NCKAP5: variants seen among roughly 807,000 people sequenced by gnomAD.
NCKAP5 encodes the protein nck-associated protein 5.
NCKAP5 carries 92 observed loss-of-function variants against 167.0 expected under a neutral mutation model. The observed-to-expected ratio is 0.55, with a 90% CI of 0.47 to 0.66. The LOEUF (loss-of-function observed/expected upper bound fraction) is 0.66. NCKAP5 is among the 30% of genes least tolerant of loss of function. The pLI is 0.00. For missense variants in NCKAP5, 2,378 were observed against 2,315.0 expected, an observed-to-expected ratio of 1.03 and a Z score of -0.56; for synonymous variants, 891 against 877.4, an observed-to-expected ratio of 1.02 and a Z score of -0.27.
intron 3 of NCKAP5, chr2:133,431,704 T>C (rs1227476892): frequency 6.6e-6 from 1 of 152,184 alleles, no homozygotes; most frequent in Non-Finnish European, 1.5e-5. Context: ...ATTTTATTTG[T>C]AGCAATCATA....
chr2:132,846,990 A>G (rs974021605), intron 11 of NCKAP5, among the ~76,000 whole-genome samples: 1 of 152,210 alleles, frequency 6.6e-6, no homozygotes, highest in African/African-American at 2.4e-5. Context: ...CGTGTATTTT[A>G]TGAATGTGAA....
chr2:133,651,770 T>C, the NCKAP5 span, among the ~76,000 whole-genome samples: 2 of 152,204 alleles, frequency 1.3e-5, no homozygotes, highest in African/African-American at 4.8e-5. Flanking sequence ...CAATGACAGA[T>C]GTATGAATAA....
chr2:132,845,958 T>C (rs948093223), intron 11 of NCKAP5, among the ~76,000 whole-genome samples: 1 of 152,312 alleles, frequency 6.6e-6, no homozygotes, highest in East Asian at 1.9e-4. Flanking sequence ...TCTTATTATG[T>C]TTTCCTGTTT....
At position 133,041,895 on chromosome 2, in the gene NCKAP5, A is replaced by T. The variant is rs557104501; in HGVS notation, c.342-47656T>A. ...AGGAGGATGCTTAAATTTTGTTAGAATTATTTTTTTCTATCAAAAATTCTC... is the reference window on the plus strand; with the variant it reads ...AGGAGGATGCTTAAATTTTGTTAGATTTATTTTTTTCTATCAAAAATTCTC... On this transcript the variant is annotated intron_variant, in intron 6 of 19. Transcript: ENST00000409261. 6.6e-5 allele frequency among the ~76,000 whole-genome samples: 10 copies of T among 152,300 alleles called. No individual in the cohort carries two copies. In the South Asian group the frequency reaches 2.1e-3, roughly 32 times the overall value.
At chr2:133,558,964 C>T (rs1000122218) in intron 2 of NCKAP5, 86 bp downstream of exon 2, 2 of 151,904 alleles carry the variant, frequency 1.3e-5, no homozygotes, top group East Asian at 1.9e-4. Context: ...GGGCCTACGT[C>T]GTCCTCAATG....
In NCKAP5 at chr2:132,783,795, T is replaced by C; in HGVS notation, c.3016A>G (p.Thr1006Ala). ...GCTTCTGGGGAGGGCATAGGGTGAGTGAAGATAGGCTTTTTGAAGGCCACA... is the reference window on the plus strand; with the variant it reads ...GCTTCTGGGGAGGGCATAGGGTGAGCGAAGATAGGCTTTTTGAAGGCCACA... ...PSVAFKKPIF[T>A]HPMPSPEAVI... Residue 1006 changes from threonine (T) to alanine (A), a missense_variant, in exon 14 of 20, where the codon ACT becomes GCT. Thr to Ala is a moderately conservative substitution (Grantham distance 58, BLOSUM62 0). Transcript: ENST00000409261. The C allele has an allele frequency of 6.5e-7, 1 of 1,546,728 alleles. No individual in the cohort carries two copies. Among genetic ancestry groups the C allele is most frequent in the Non-Finnish European group, 8.7e-7 (1 of 1,149,162 alleles).
intron 19 of NCKAP5, among the ~76,000 whole-genome samples, chr2:132,690,298 G>T (rs114142047): frequency 1.3e-5 from 2 of 152,328 alleles, no homozygotes; most frequent in African/African-American, 4.8e-5. Flanking sequence ...CAAAGGAACT[G>T]TGTCCTGTCC....
chr2:133,389,262 A>G lies in NCKAP5; in HGVS notation c.70-86152T>C, dbSNP rs556347722. Reference sequence around the variant, plus strand: ...AAAAAGTCCACCTGCATACACTTGCAAAATGGCGTCTTCTTGAAAGATGTA... The same window carrying G: ...AAAAAGTCCACCTGCATACACTTGCGAAATGGCGTCTTCTTGAAAGATGTA... On this transcript the variant is annotated intron_variant, in intron 3 of 19. Transcript: ENST00000409261. 1.0e-3 allele frequency among the ~76,000 whole-genome samples: 152 copies of G among 152,368 alleles called. 1 individual carries two copies. The highest frequency in any genetic ancestry group is 3.5e-3 in the African/African-American group (147 of 41,596).
intron 2 of NCKAP5, among the ~76,000 whole-genome samples, chr2:133,523,703 C>A (rs182809359): frequency 3.9e-4 from 59 of 152,294 alleles, no homozygotes; most frequent in Non-Finnish European, 6.3e-4. Context: ...TTTTTTGCAG[C>A]CTCATAAACA....
At chr2:133,654,377 C>T in the NCKAP5 span, among the ~76,000 whole-genome samples, 32,831 of 146,810 alleles carry the variant, frequency 0.22, 4,131 homozygotes, top group East Asian at 0.32. Flanking sequence ...GACTCTATCT[C>T]AAATAAATAA....
At position 133,490,281 on chromosome 2, in the gene NCKAP5, G is replaced by A. The variant is rs191886786; in HGVS notation, c.69+27177C>T. Among the ~76,000 whole-genome samples the A allele has an allele frequency of 5.9e-4, 90 of 152,234 alleles. 2 individuals are homozygous for A. Among genetic ancestry groups the A allele is most frequent in the African/African-American group, 2.2e-3 (90 of 41,542 alleles). On this transcript the variant is annotated intron_variant, in intron 3 of 19. Transcript: ENST00000409261. Reference sequence around the variant, plus strand: ...CCCAGCCAGGCCAAGTGTGGTCCATGGAGAGTAGTTACGGCGATGCTAGTT... The same window carrying A: ...CCCAGCCAGGCCAAGTGTGGTCCATAGAGAGTAGTTACGGCGATGCTAGTT...
chr2:132,833,853 A>G (rs998172554), intron 11 of NCKAP5, among the ~76,000 whole-genome samples: 5 of 152,048 alleles, frequency 3.3e-5, no homozygotes, highest in Admixed American at 6.5e-5. Flanking sequence ...GTCTTTTTTC[A>G]TTCCATATGA....
At chr2:133,571,640 T>C (rs921384887), upstream of NCKAP5, among the ~76,000 whole-genome samples, 5 of 152,182 alleles carry the variant, frequency 3.3e-5, no homozygotes, top group African/African-American at 7.2e-5. Flanking sequence ...CTGTCTTAAA[T>C]TGGAAAATTC....
intron 3 of NCKAP5, among the ~76,000 whole-genome samples, chr2:133,385,780 G>C (rs1431808224): frequency 6.6e-6 from 1 of 152,132 alleles, no homozygotes; most frequent in Admixed American, 6.6e-5. Context: ...TCTTGGGAGG[G>C]TGTATGTGTC....
intron 11 of NCKAP5, among the ~76,000 whole-genome samples, chr2:132,859,322 C>A (rs1375975714): frequency 6.6e-6 from 1 of 152,106 alleles, no homozygotes; most frequent in Non-Finnish European, 1.5e-5. Flanking sequence ...CCCGTTATTT[C>A]TCTGAGGAGT....
Position 133,467,134 on chromosome 2 carries a change from C to T in NCKAP5, c.69+50324G>A, listed in dbSNP as rs368960411. On this transcript the variant is annotated intron_variant, in intron 3 of 19. Coordinates refer to ENST00000409261, the MANE Select transcript of NCKAP5 (RefSeq NM_207363.3). ...CAGTTTTTGCCCATTCAGTATGATA[C>T]TGGCTGTGGGTTTGTCATAGATAGC... is the stretch of plus-strand genomic sequence containing the variant. 5.3e-3 allele frequency among the ~76,000 whole-genome samples: 799 copies of T among 151,258 alleles called. 18 individuals carry two copies. Among genetic ancestry groups the T allele is most frequent in the Admixed American group, 0.043 (652 of 15,056 alleles).
chr2:133,546,868 G>A (rs572933091), intron 2 of NCKAP5, among the ~76,000 whole-genome samples: 1 of 152,326 alleles, frequency 6.6e-6, no homozygotes, highest in Admixed American at 6.5e-5. Context: ...TTGAGAAAGG[G>A]GAGGAGCCAA....
chr2:133,227,772 A>C (rs1415868783), intron 4 of NCKAP5, among the ~76,000 whole-genome samples: 1 of 152,064 alleles, frequency 6.6e-6, no homozygotes, highest in Non-Finnish European at 1.5e-5. Context: ...TCCTGTTTAG[A>C]TTCTTCTTTT....
chr2:133,523,742 A>T (rs1684654687), intron 2 of NCKAP5, among the ~76,000 whole-genome samples: 1 of 152,128 alleles, frequency 6.6e-6, no homozygotes, highest in Admixed American at 6.5e-5. Flanking sequence ...TGTCAAATTC[A>T]TTGTTATATT....
Sources: allele counts gnomAD v4.1 joint callset (sites outside exome capture counted in the v4.1 genomes callset), GRCh38; gene constraint gnomAD v4.1.1; transcripts MANE v1.5; gene names NCBI Gene and HGNC (gene_info 2026-07-23, HGNC 2026-07-21).